RNF31: variants seen among roughly 807,000 people sequenced by gnomAD.
RNF31 encodes ring finger protein 31, also known as E3 ubiquitin-protein ligase RNF31.
A neutral mutation model predicts 133.6 loss-of-function variants in RNF31; 38 were observed. The ratio of observed to expected loss-of-function variants is 0.28; its 90% CI spans 0.22 to 0.37. The LOEUF (loss-of-function observed/expected upper bound fraction) is 0.37. Among genes scored for constraint, RNF31 ranks in the 10% least tolerant of loss-of-function variants. RNF31 has a pLI of 1.00. For missense variants in RNF31, 1,118 were observed against 1,394.1 expected, an observed-to-expected ratio of 0.80 and a Z score of 3.15; for synonymous variants, 582 against 552.3, an observed-to-expected ratio of 1.05 and a Z score of -0.75.
In RNF31 at chr14:24,160,504, C is replaced by A; in HGVS notation, c.3166-16C>A. On this transcript the variant is annotated splice_polypyrimidine_tract_variant and intron_variant, in intron 20 of 20. Transcript: ENST00000324103. The surrounding 1 kb of genome is among the most constrained non-coding windows in gnomAD (Gnocchi z 4.0). ...TCCAGGCTTCCAATATCATTACCTTCTCTCTCCTTCTGCAGAAGCTGACAG... is the reference window on the plus strand; with the variant it reads ...TCCAGGCTTCCAATATCATTACCTTATCTCTCCTTCTGCAGAAGCTGACAG... 1.9e-6 allele frequency: 3 copies of A among 1,556,924 alleles called. No individual in the cohort carries two copies. The highest frequency in any genetic ancestry group is 2.6e-6 in the Non-Finnish European group (3 of 1,147,770).
rs764309473 is a variant in RNF31, at chr14:24,151,228, C to T, written c.1586C>T (p.Pro529Leu). The change falls in exon 9 of 21, where the codon CCC becomes CTC. Residue 529 changes from proline to leucine, a missense_variant. Pro to Leu is a moderately conservative substitution (Grantham distance 98). Around this residue, in one of 3 missense-constraint regions of RNF31, gnomAD observed 747 missense variants for 827.9 expected, o/e 0.90. Coordinates refer to ENST00000324103, the MANE Select transcript of RNF31 (RefSeq NM_017999.5). This position sits in a 1 kb window ranked among gnomAD's most constrained non-coding sequence, Gnocchi z 5.3. The stretch of plus-strand genomic sequence containing the variant: ...CTGCAGTGGTTGCGCTCAGAACTGC[C>T]CTACGTCCTGGAGATGGTGGCTGAG... ...VPLQWLRSEL[P>L]YVLEMVAELA... 1 of 1,614,186 alleles carries T rather than the reference C, an allele frequency of 6.2e-7. No individual in the cohort carries two copies. Among genetic ancestry groups the T allele is most frequent in the East Asian group, 2.2e-5 (1 of 44,870 alleles).
chr14:24,154,192 T>C (rs1286795705), intron 11 of RNF31, among the ~76,000 whole-genome samples: 1 of 152,032 alleles, frequency 6.6e-6, no homozygotes, highest in African/African-American at 2.4e-5. Context: ...AGTTTTGCTC[T>C]TGTTGCCCAG....
rs374504041 is a variant in RNF31 at position 24,151,593 on chromosome 14, C to G, written c.1846C>G (p.Arg616Gly). The change falls in exon 10 of 21, where the codon CGC becomes GGC. Residue 616 changes from arginine to glycine, a missense_variant. Coordinates refer to ENST00000324103, the MANE Select transcript of RNF31 (RefSeq NM_017999.5). The surrounding 1 kb of genome is among the most constrained non-coding windows in gnomAD (Gnocchi z 5.3). Reference protein sequence around the residue: ...SRALTELQRQRLEPFRQRLWD... With the variant: ...SRALTELQRQGLEPFRQRLWD... ...GGCCCTGACTGAGCTACAGCGCCAA[C>G]GCCTAGAGCCCTTCCGCCAGCGCCT... 1.2e-6 allele frequency: 2 copies of G among 1,614,064 alleles called. No homozygotes were observed. Among genetic ancestry groups the G allele is most frequent in the Admixed American group, 1.7e-5 (1 of 60,030 alleles).
At position 24,149,414 on chromosome 14, in the gene RNF31, C is replaced by T. The variant is rs2038228894; in HGVS notation, c.640C>T (p.Pro214Ser). 6.2e-7 allele frequency: 1 copy of T among 1,613,720 alleles called. No homozygotes were observed. Among genetic ancestry groups the T allele is most frequent in the Non-Finnish European group, 8.5e-7 (1 of 1,179,760 alleles). Residue 214 changes from proline (P) to serine (S), a missense_variant, in exon 6 of 21, where the codon CCT (proline) becomes TCT (serine). Pro to Ser is a moderately conservative substitution (Grantham distance 74). Around this residue, in one of 3 missense-constraint regions of RNF31, gnomAD observed 747 missense variants for 827.9 expected, o/e 0.90. Transcript: ENST00000324103. ...LTTPSVPGST[P>S]GPCFLCGSAP... Reference sequence around the variant, plus strand: ...TCTCTCCTGCCCTCCAGGCTCCACTCCTGGTCCCTGCTTCCTCTGTGGTTC... The same window carrying T: ...TCTCTCCTGCCCTCCAGGCTCCACTTCTGGTCCCTGCTTCCTCTGTGGTTC...
Position 24,157,623 on chromosome 14 carries a change from C to A in RNF31, c.2712C>A (p.Ala904=), listed in dbSNP as rs2038363418. 2.5e-6 allele frequency: 4 copies of A among 1,613,794 alleles called. No individual in the cohort carries two copies. Among genetic ancestry groups the A allele is most frequent in the Admixed American group, 1.7e-5 (1 of 59,976 alleles). Residue 904 remains alanine, a synonymous_variant, in exon 16 of 21, where the codon GCC becomes GCA. Coordinates refer to ENST00000324103, the MANE Select transcript of RNF31 (RefSeq NM_017999.5). ...RHQFCSGCYN[A]FYAKNKCPEP... ...AGTTCTGCAGCGGCTGCTACAATGCCTTTTACGCCAAGAATGTAAGCCCAG... is the reference window on the plus strand; with the variant it reads ...AGTTCTGCAGCGGCTGCTACAATGCATTTTACGCCAAGAATGTAAGCCCAG...
intron 6 of RNF31, 120 bp from the exon 7 acceptor site, chr14:24,149,941 G>A (rs2038237324): frequency 2.4e-6 from 3 of 1,236,558 alleles, no homozygotes; most frequent in Non-Finnish European, 3.4e-6. Context: ...ATTCGAGACA[G>A]ACAATGTGTG....
At chr14:24,158,049 G>A (rs1251514819) in intron 17 of RNF31, 38 bp downstream of exon 17, 7 of 1,610,360 alleles carry the variant, frequency 4.3e-6, no homozygotes, top group Middle Eastern at 3.3e-4. Flanking sequence ...CAGGGCCCAG[G>A]GTGGGCAAGA....
Position 24,155,296 on chromosome 14 carries a change from A to G in RNF31, c.2270A>G (p.Gln757Arg). ...CGRPDLTDDTQLLSYFSTLDI... is the reference protein window; with the variant it reads ...CGRPDLTDDTRLLSYFSTLDI... ...CGCCCCGACCTCACCGATGACACAC[A>G]GTTGCTCAGCTACTTCTCTACCCTT... The change falls in exon 12 of 21, where the codon CAG becomes CGG. Residue 757 changes from glutamine (Q) to arginine (R), a missense_variant. By Grantham distance (43) the Gln-to-Arg change is conservative. Transcript: ENST00000324103. The surrounding 1 kb of genome is among the most constrained non-coding windows in gnomAD (Gnocchi z 4.9). The G allele has an allele frequency of 6.2e-7, 1 of 1,614,138 alleles. No homozygotes were observed. Among genetic ancestry groups the G allele is most frequent in the Non-Finnish European group, 8.5e-7 (1 of 1,180,030 alleles).
In RNF31 at chr14:24,148,072, G is replaced by C. The variant is rs1458245897; in HGVS notation, c.289G>C (p.Gly97Arg). Residue 97 changes from glycine to arginine, a missense_variant, in exon 2 of 21, where the codon GGT (glycine) becomes CGT (arginine). Physicochemically the swap from Gly to Arg is moderately radical, Grantham distance 125. Transcript: ENST00000324103. ...LSPQRPRYWR[G>R]VKFNNPVFRS... is the part of the protein sequence containing the mutation. ...CCCTCAGCGGCCTCGGTACTGGCGTGGTGTCAAGTTTAATAACCCTGTCTT... is the reference window on the plus strand; with the variant it reads ...CCCTCAGCGGCCTCGGTACTGGCGTCGTGTCAAGTTTAATAACCCTGTCTT... 1 of 1,614,102 alleles carries C rather than the reference G, an allele frequency of 6.2e-7. No individual in the cohort carries two copies. The highest frequency in any genetic ancestry group is 1.3e-5 in the African/African-American group (1 of 74,934).
At chr14:24,148,574 C>T in intron 3 of RNF31, 68 bp from the exon 4 acceptor site, 1 of 1,588,960 alleles carries the variant, frequency 6.3e-7, no homozygotes, top group African/African-American at 1.3e-5. Context: ...GTTAAGGGAC[C>T]AGGGCTTAGA....
chr14:24,153,880 A>C (rs1363054234), intron 11 of RNF31, among the ~76,000 whole-genome samples: 1 of 151,868 alleles, frequency 6.6e-6, no homozygotes, highest in African/African-American at 2.4e-5. Flanking sequence ...CTCCAGTCTG[A>C]GCGACAGAGT....
In RNF31 at chr14:24,159,374, C is replaced by T. The variant is rs963964639; in HGVS notation, c.2900-490C>T. On this transcript the variant is annotated intron_variant, in intron 18 of 20. Coordinates refer to ENST00000324103, the MANE Select transcript of RNF31 (RefSeq NM_017999.5). Reference sequence around the variant, plus strand: ...TCTCAAAAAAAAAAAAAAAAAAAACCAGAGGTAGCCAATAGCCAGGAGTGG... The same window carrying T: ...TCTCAAAAAAAAAAAAAAAAAAAACTAGAGGTAGCCAATAGCCAGGAGTGG... 6.4e-5 allele frequency among the ~76,000 whole-genome samples: 9 copies of T among 140,652 alleles called. 1 individual carries two copies. In the South Asian group the frequency reaches 1.9e-3, roughly 30 times the overall value. The allele number at this position is 140,652 out of a possible 152,430, so 92.3% of individuals were successfully genotyped here.
At position 24,157,372 on chromosome 14, in the gene RNF31, G is replaced by T. The variant is rs772777784; in HGVS notation, c.2576G>T (p.Gly859Val). ...AACGACCCAGAATACCAGGCCCAGG[G>T]CCTAGCAATGTATCTTCAGGAAAAC... ...RMNDPEYQAQ[G>V]LAMYLQENGI... Residue 859 changes from glycine (G) to valine (V), a missense_variant, in exon 15 of 21, where the codon GGC becomes GTC. Physicochemically the swap from Gly to Val is moderately radical, Grantham distance 109. Coordinates refer to ENST00000324103, the MANE Select transcript of RNF31 (RefSeq NM_017999.5). The T allele has an allele frequency of 1.2e-6, 2 of 1,611,636 alleles. No homozygotes were observed. Among genetic ancestry groups the T allele is most frequent in the South Asian group, 2.2e-5 (2 of 91,022 alleles).
chr14:24,157,059 G>C (rs191866147), intron 14 of RNF31, among the ~76,000 whole-genome samples: 74 of 152,284 alleles, frequency 4.9e-4, no homozygotes, highest in African/African-American at 1.8e-3. Context: ...TGAAGGAAAA[G>C]GGGATATGGT....
rs777260312 is a variant in RNF31, at chr14:24,151,372, G to A, written c.1730G>A (p.Arg577Gln). 8.1e-6 allele frequency: 13 copies of A among 1,614,184 alleles called. No homozygotes were observed. Among genetic ancestry groups the A allele is most frequent in the East Asian group, 2.2e-5 (1 of 44,884 alleles). Reference sequence around the variant, plus strand: ...GTGGAGGAGTGTGTGAGGACCAGGCGAAGGAAGGTATCAGCTGTGCTGGAT... The same window carrying A: ...GTGGAGGAGTGTGTGAGGACCAGGCAAAGGAAGGTATCAGCTGTGCTGGAT... ...EAVEECVRTR[R>Q]RKVQELQSLG... Residue 577 changes from arginine (R) to glutamine (Q), a missense_variant, in exon 9 of 21, where the codon CGA (arginine) becomes CAA (glutamine). Physicochemically the swap from Arg to Gln is conservative, Grantham distance 43. Coordinates refer to ENST00000324103, the MANE Select transcript of RNF31 (RefSeq NM_017999.5). The surrounding 1 kb of genome is among the most constrained non-coding windows in gnomAD (Gnocchi z 5.3).
At chr14:24,159,524 T>TA (rs201123821) in intron 18 of RNF31, among the ~76,000 whole-genome samples, 37 of 51,588 alleles carry the variant, frequency 7.2e-4, no homozygotes, top group Admixed American at 2.5e-3. Flanking sequence ...AAAATAAAAA[T>TA]AAAAAAAAGA....
chr14:24,152,409 C>CTTTA (rs57452223), intron 11 of RNF31, among the ~76,000 whole-genome samples: 79,446 of 149,806 alleles, frequency 0.53, 23,114 homozygotes, highest in African/African-American at 0.78. Context: ...AAATGTAAAA[C>CTTTA]TTTATTTATT....
Position 24,148,965 on chromosome 14 carries a change from T to C in RNF31, c.631+89T>C. The C allele has an allele frequency of 3.4e-6, 4 of 1,170,588 alleles. No homozygotes were observed. In the African/African-American group the frequency reaches 4.5e-5, roughly 13 times the overall value. 72.5% of individuals were successfully genotyped at this position (1,170,588 alleles called of 1,614,324 possible). On this transcript the variant is annotated intron_variant, in intron 5 of 20. Transcript: ENST00000324103. ...CTCTGTCTTCTTGGTTATCTTCCTTTGTGTTTGTTTGTTTTGAGACGGAGT... is the reference window on the plus strand; with the variant it reads ...CTCTGTCTTCTTGGTTATCTTCCTTCGTGTTTGTTTGTTTTGAGACGGAGT...
chr14:24,147,133 G>A (rs989363210), upstream of RNF31: 3 of 167,964 alleles, frequency 1.8e-5, no homozygotes, highest in South Asian at 1.4e-4. Flanking sequence ...GGCGGGACTC[G>A]CTCGAGAGGG....
Sources: allele counts gnomAD v4.1 joint callset (sites outside exome capture counted in the v4.1 genomes callset), GRCh38; gene constraint gnomAD v4.1.1; regional missense constraint gnomAD v4.1.1; non-coding constraint Gnocchi (gnomAD v3.1); transcripts MANE v1.5; gene names NCBI Gene and HGNC (gene_info 2026-07-23, HGNC 2026-07-21).